The following HOMER1 variants were observed in gnomAD, a reference collection of about 807,000 sequenced individuals.
The protein encoded by HOMER1 is homer protein homolog 1.
A neutral mutation model predicts 48.9 loss-of-function variants in HOMER1; 3 were observed. That is an observed-to-expected ratio of 0.06 (90% confidence interval 0.03 to 0.16). The LOEUF (loss-of-function observed/expected upper bound fraction) is 0.16. Ranked by LOEUF, HOMER1 falls within the 10% of genes least tolerant of loss-of-function variation. HOMER1 has a pLI of 1.00. For synonymous variants in HOMER1, 134 were observed against 146.4 expected (o/e 0.92, Z 0.61); for missense variants, 247 against 411.4 (o/e 0.60, Z 3.46).
At chr5:79,458,019 G>A (rs895154323) in intron 1 of HOMER1, among the ~76,000 whole-genome samples, 9 of 152,028 alleles carry the variant, frequency 5.9e-5, no homozygotes, top group South Asian at 2.1e-4. Context: ...CACTATAATC[G>A]CTACTATACT....
At chr5:79,419,986 G>A (rs1355224291) in intron 5 of HOMER1, among the ~76,000 whole-genome samples, 1 of 144,406 alleles carries the variant, frequency 6.9e-6, no homozygotes, top group Admixed American at 7.1e-5. Flanking sequence ...AATGATTAAA[G>A]AAGCATTCTT....
Position 79,451,556 on chromosome 5 carries a change from CTTTTTTTTTTT to C in HOMER1, c.163-446_163-436del, listed in dbSNP as rs71615542. On this transcript the variant is annotated intron_variant, in intron 2 of 8. Coordinates refer to ENST00000334082, the MANE Select transcript of HOMER1 (RefSeq NM_004272.5). Reference sequence around the variant, plus strand: ...GAAAATATGCATAGAAAATATGACACTTTTTTTTTTTTTTTTTTTTTTTTTTTTAGATGGAG... The same window carrying C: ...GAAAATATGCATAGAAAATATGACACTTTTTTTTTTTTTTTTTAGATGGAG... Among the ~76,000 whole-genome samples the C allele has an allele frequency of 3.2e-4, 21 of 64,642 alleles. No homozygotes were observed. The South Asian group carries it at 0.012, about 36-fold the overall frequency. 42.4% of individuals were successfully genotyped at this position (64,642 alleles called of 152,430 possible). A position where few individuals can be genotyped will look rare whatever the true frequency, so the allele number is the denominator to read the frequency against.
At chr5:79,439,472 A>T (rs1004445813) in intron 4 of HOMER1, among the ~76,000 whole-genome samples, 1 of 152,232 alleles carries the variant, frequency 6.6e-6, no homozygotes. Context: ...ATTGGTCAGA[A>T]TAAAAGATAT....
intron 1 of HOMER1, among the ~76,000 whole-genome samples, chr5:79,473,397 T>C (rs1185715853): frequency 6.6e-6 from 1 of 152,164 alleles, no homozygotes; most frequent in Non-Finnish European, 1.5e-5. Context: ...TTCTTCCTCT[T>C]CCAATATGGC....
chr5:79,493,086 T>C (rs1343211795), intron 1 of HOMER1, among the ~76,000 whole-genome samples: 1 of 151,964 alleles, frequency 6.6e-6, no homozygotes, highest in African/African-American at 2.4e-5. Context: ...ACCTGGCTAA[T>C]TTTTGTATTA....
chr5:79,439,124 G>C lies in HOMER1; in HGVS notation c.413C>G (p.Ser138Cys), dbSNP rs767568059. 6.8e-6 allele frequency: 11 copies of C among 1,613,818 alleles called. No individual in the cohort carries two copies. The highest frequency in any genetic ancestry group is 9.3e-6 in the Non-Finnish European group (11 of 1,179,930). The part of the protein sequence containing the change: ...SQESAGGDLQ[S>C]PLTPESINGT... ...GTTGATACTTTCCGGTGTTAAAGGA[G>C]ACTGAAGATCCCCGCCTGCGGATTC... is the stretch of plus-strand genomic sequence containing the variant. The change falls in exon 5 of 9, where the codon TCT (serine) becomes TGT (cysteine). Residue 138 changes from serine to cysteine, a missense_variant. By Grantham distance (112) the Ser-to-Cys change is moderately radical. Coordinates refer to ENST00000334082, the MANE Select transcript of HOMER1 (RefSeq NM_004272.5).
At chr5:79,480,621 T>C (rs1385753703) in intron 1 of HOMER1, among the ~76,000 whole-genome samples, 2 of 152,256 alleles carry the variant, frequency 1.3e-5, no homozygotes, top group African/African-American at 2.4e-5. Context: ...CATATGCCCA[T>C]GTAAGTTATT....
At chr5:79,388,783 A>C (rs1749179517) in intron 8 of HOMER1, among the ~76,000 whole-genome samples, 1 of 152,088 alleles carries the variant, frequency 6.6e-6, no homozygotes, top group South Asian at 2.1e-4. Flanking sequence ...TATTATTTTA[A>C]ATAATCCTAG....
intron 1 of HOMER1, among the ~76,000 whole-genome samples, chr5:79,505,253 T>C (rs1278174790): frequency 6.6e-6 from 1 of 151,518 alleles, no homozygotes; most frequent in Non-Finnish European, 1.5e-5. Flanking sequence ...AGCAAGACTC[T>C]GTTTCAAAAA....
chr5:79,388,813 G>A (rs1440878574), intron 8 of HOMER1, among the ~76,000 whole-genome samples: 1 of 151,840 alleles, frequency 6.6e-6, no homozygotes, highest in Non-Finnish European at 1.5e-5. Context: ...GTGAGATAAA[G>A]TAAAGAAAAC....
chr5:79,421,645 GC>G (rs1248223687), intron 5 of HOMER1, among the ~76,000 whole-genome samples: 10 of 149,846 alleles, frequency 6.7e-5, no homozygotes, highest in African/African-American at 2.5e-4. Context: ...TGCTCTTGTC[GC>G]CCAGGCTGGA....
intron 8 of HOMER1, among the ~76,000 whole-genome samples, chr5:79,379,196 A>T (rs1748878035): frequency 2.3e-5 from 2 of 86,634 alleles, no homozygotes; most frequent in African/African-American, 9.3e-5. Context: ...TATATCTATA[A>T]TATATATTAT....
At position 79,377,562 on chromosome 5, in the gene HOMER1, T is replaced by C. The variant is rs1221051136; in HGVS notation, c.877-1365A>G. Among the ~76,000 whole-genome samples the C allele has an allele frequency of 5.6e-5, 8 of 142,632 alleles. No homozygotes were observed. In the East Asian group the frequency reaches 1.9e-3, roughly 35 times the overall value. 93.6% of individuals were successfully genotyped at this position (142,632 alleles called of 152,430 possible). A position where few individuals can be genotyped will look rare whatever the true frequency, so the allele number is the denominator to read the frequency against. Reference sequence around the variant, plus strand: ...TGGGACAACGAAAATATCTTGATGTTAGTTACACAACATGATAGCCTCAGA... The same window carrying C: ...TGGGACAACGAAAATATCTTGATGTCAGTTACACAACATGATAGCCTCAGA... On this transcript the variant is annotated intron_variant, in intron 8 of 8. Transcript: ENST00000334082.
intron 1 of HOMER1, among the ~76,000 whole-genome samples, chr5:79,482,348 C>G (rs1751972542): frequency 6.6e-6 from 1 of 151,828 alleles, no homozygotes; most frequent in African/African-American, 2.4e-5. Context: ...GAAACACACC[C>G]AGAAATGACA....
rs10666507 is a variant in HOMER1 at position 79,465,584 on chromosome 5, C to CTTTTTTTTTTTTTTTTTTT, written c.6-8585_6-8567dup. ...AGTAACAGTACTGTTTACATTTCTT[C>CTTTTTTTTTTTTTTTTTTT]TTTTTTTTTTTTTTTTTTTTTTTTT... On this transcript the variant is annotated intron_variant, in intron 1 of 8. Coordinates refer to ENST00000334082, the MANE Select transcript of HOMER1 (RefSeq NM_004272.5). Among the ~76,000 whole-genome samples, 19 of 77,894 alleles carry CTTTTTTTTTTTTTTTTTTT rather than the reference C, an allele frequency of 2.4e-4. 1 individual carries two copies. The highest frequency in any genetic ancestry group is 9.7e-4 in the African/African-American group (16 of 16,486). The allele number at this position is 77,894 out of a possible 152,430, so 51.1% of individuals were successfully genotyped here.
At chr5:79,377,495 C>T (rs1393147023) in intron 8 of HOMER1, among the ~76,000 whole-genome samples, 2 of 152,180 alleles carry the variant, frequency 1.3e-5, no homozygotes, top group Non-Finnish European at 2.9e-5. Flanking sequence ...TTGAGAGAAA[C>T]TAAGTGACTG....
At chr5:79,492,125 G>C (rs528370712) in intron 1 of HOMER1, among the ~76,000 whole-genome samples, 2 of 152,290 alleles carry the variant, frequency 1.3e-5, no homozygotes, top group East Asian at 1.9e-4. Flanking sequence ...TGATAATGAA[G>C]TTATATCTTG....
chr5:79,487,641 C>T (rs1437448928), intron 1 of HOMER1, among the ~76,000 whole-genome samples: 2 of 152,068 alleles, frequency 1.3e-5, no homozygotes, highest in African/African-American at 4.8e-5. Flanking sequence ...CTGTTATAGA[C>T]TGAAAGAGAT....
At chr5:79,401,795 C>T (rs138598954) in intron 6 of HOMER1, 104 bp downstream of exon 6, 3 of 1,082,054 alleles carry the variant, frequency 2.8e-6, no homozygotes, top group Non-Finnish European at 4.1e-6. Context: ...GTTCTGACAT[C>T]CTAGAACTAG....
Sources: allele counts gnomAD v4.1 joint callset (sites outside exome capture counted in the v4.1 genomes callset), GRCh38; gene constraint gnomAD v4.1.1; transcripts MANE v1.5; gene names NCBI Gene and HGNC (gene_info 2026-07-23, HGNC 2026-07-21).